RASGRP3: variants seen among roughly 807,000 people sequenced by gnomAD.
The protein encoded by RASGRP3 is RAS guanyl releasing protein 3.
A neutral mutation model predicts 82.7 loss-of-function variants in RASGRP3; 54 were observed. The observed-to-expected ratio is 0.65, with a 90% CI of 0.52 to 0.82. The LOEUF (loss-of-function observed/expected upper bound fraction) is 0.82, where lower values mean the gene tolerates loss of function less well. RASGRP3 is among the 40% of genes least tolerant of loss of function. The pLI, the probability that RASGRP3 is intolerant of heterozygous loss-of-function variation, is 0.00. For missense variants in RASGRP3, 861 were observed against 828.9 expected (o/e 1.04, Z -0.48); for synonymous variants, 309 against 300.5 (o/e 1.03, Z -0.29).
chr2:33,478,287 G>C (rs930045712), intron 1 of RASGRP3, among the ~76,000 whole-genome samples: 2 of 152,206 alleles, frequency 1.3e-5, no homozygotes, highest in Non-Finnish European at 2.9e-5. Context: ...AGGAAAAATA[G>C]TCCCAACTTC....
At chr2:33,479,669 T>C (rs1667717435) in intron 1 of RASGRP3, among the ~76,000 whole-genome samples, 1 of 152,150 alleles carries the variant, frequency 6.6e-6, no homozygotes, top group Non-Finnish European at 1.5e-5. Context: ...TTACCCTGAG[T>C]CCTACTTCTC....
intron 2 of RASGRP3, among the ~76,000 whole-genome samples, chr2:33,454,446 G>C (rs758655011): frequency 6.6e-6 from 1 of 152,176 alleles, no homozygotes; most frequent in African/African-American, 2.4e-5. Flanking sequence ...GGTAGGCATG[G>C]CAGTATTTGG....
chr2:33,541,180 C>T (rs1674254035), intron 12 of RASGRP3, among the ~76,000 whole-genome samples: 1 of 146,844 alleles, frequency 6.8e-6, no homozygotes, highest in South Asian at 2.2e-4. Context: ...TTTTATTCTT[C>T]TCTGATTATA....
chr2:33,501,551 T>G (rs1020284781), intron 1 of RASGRP3, among the ~76,000 whole-genome samples: 1 of 152,218 alleles, frequency 6.6e-6, no homozygotes, highest in African/African-American at 2.4e-5. Flanking sequence ...CTCACCCAAA[T>G]GTTAAGTAAA....
At chr2:33,506,825 C>T (rs189918770) in intron 1 of RASGRP3, among the ~76,000 whole-genome samples, 17 of 152,226 alleles carry the variant, frequency 1.1e-4, no homozygotes, top group South Asian at 4.1e-4. Flanking sequence ...TTTTAGTCTT[C>T]GTGTCATCAG....
At chr2:33,476,244 C>T (rs183239662), upstream of RASGRP3, 2 of 152,320 alleles carry the variant, frequency 1.3e-5, no homozygotes, top group Admixed American at 1.3e-4. Context: ...CAACTTCCAC[C>T]TGCTGTGCGA....
At position 33,546,626 on chromosome 2, in the gene RASGRP3, T is replaced by G. The variant is rs117477098; in HGVS notation, c.1395-2978T>G. ...TATATACCCAGAGGAATAGAAATCA[T>G]TCTACAGTAAAGACACAGGCATATG... is the stretch of plus-strand genomic sequence containing the variant. On this transcript the variant is annotated intron_variant, in intron 13 of 17. Coordinates refer to ENST00000403687, the MANE Select transcript of RASGRP3 (RefSeq NM_001139488.2). 1.1e-4 allele frequency among the ~76,000 whole-genome samples: 16 copies of G among 152,216 alleles called. No individual in the cohort carries two copies. In the East Asian group the frequency reaches 2.7e-3, roughly 26 times the overall value.
intron 1 of RASGRP3, chr2:33,481,311 A>C (rs1262753507): frequency 6.6e-6 from 1 of 152,026 alleles, no homozygotes; most frequent in Non-Finnish European, 1.5e-5. Context: ...ACAGGTGCCC[A>C]CCACCACGCC....
intron 1 of RASGRP3, among the ~76,000 whole-genome samples, chr2:33,445,223 T>A (rs936583194): frequency 6.6e-6 from 1 of 152,104 alleles, no homozygotes; most frequent in African/African-American, 2.4e-5. Context: ...CTGGTGGAAG[T>A]GGATAAAATC....
chr2:33,562,733 G>A lies in RASGRP3; in HGVS notation c.2069G>A (p.Gly690Asp), dbSNP rs1420561504. Residue 690 changes from glycine (G) to aspartate (D), a missense_variant, in exon 18 of 18, where the codon GGC becomes GAC. Physicochemically the swap from Gly to Asp is moderately conservative, Grantham distance 94. Coordinates refer to ENST00000403687, the MANE Select transcript of RASGRP3 (RefSeq NM_001139488.2). ...AGGTTCCAATTTGTGTTTCAGGATG[G>A]CTGACTTCAGGCTGCGGAAACTGAA... ...GEETRQDGED[G>D] 1.2e-6 allele frequency: 2 copies of A among 1,613,456 alleles called. No homozygotes were observed. Among genetic ancestry groups the A allele is most frequent in the African/African-American group, 2.7e-5 (2 of 74,908 alleles).
At chr2:33,483,623 C>T (rs1325627172) in intron 1 of RASGRP3, among the ~76,000 whole-genome samples, 1 of 151,266 alleles carries the variant, frequency 6.6e-6, no homozygotes. Flanking sequence ...TGAGTAGCTG[C>T]GACTATAGGC....
chr2:33,507,074 A>G lies in RASGRP3; in HGVS notation c.-260-4636A>G, dbSNP rs1670445941. On this transcript the variant is annotated intron_variant, in intron 1 of 17. Coordinates refer to ENST00000403687, the MANE Select transcript of RASGRP3 (RefSeq NM_001139488.2). ...GAAAATTTAAACAGAAACAAGACCA[A>G]TGCAGAAATAAACAAATAATTTCAA... Among the ~76,000 whole-genome samples, 7 of 152,316 alleles carry G rather than the reference A, an allele frequency of 4.6e-5. No homozygotes were observed. The South Asian group carries it at 1.4e-3, about 32-fold the overall frequency.
chr2:33,530,497 CTTTTTTTTTTTTTT>C (rs746592952), intron 10 of RASGRP3, among the ~76,000 whole-genome samples: 1 of 117,108 alleles, frequency 8.5e-6, no homozygotes. Flanking sequence ...CTGCCCCTTC[CTTTTTTTTTTTTTT>C]TTTTTTTTTT....
At position 33,537,648 on chromosome 2, in the gene RASGRP3, A is replaced by G. The variant is rs59368545; in HGVS notation, c.1162-1446A>G. Among the ~76,000 whole-genome samples, 7 of 152,320 alleles carry G rather than the reference A, an allele frequency of 4.6e-5. No individual in the cohort carries two copies. The East Asian group carries it at 1.3e-3, about 29-fold the overall frequency. On this transcript the variant is annotated intron_variant, in intron 11 of 17. Coordinates refer to ENST00000403687, the MANE Select transcript of RASGRP3 (RefSeq NM_001139488.2). ...AGTGCTGGGATTACAGGTGTGAGCC[A>G]CTGTACCCAGCCTCTATAAATATAA...
chr2:33,493,769 C>A (rs1321397887), intron 1 of RASGRP3, among the ~76,000 whole-genome samples: 1 of 151,662 alleles, frequency 6.6e-6, no homozygotes, highest in Non-Finnish European at 1.5e-5. Context: ...AAAAAAAAAT[C>A]TTTTGACAAG....
At chr2:33,511,250 C>T (rs1234462332) in intron 1 of RASGRP3, among the ~76,000 whole-genome samples, 2 of 152,160 alleles carry the variant, frequency 1.3e-5, no homozygotes, top group African/African-American at 4.8e-5. Context: ...GTTCTTAAGG[C>T]CCCATTGGGA....
intron 1 of RASGRP3, among the ~76,000 whole-genome samples, chr2:33,489,579 T>A (rs187160822): frequency 7.2e-5 from 11 of 152,314 alleles, no homozygotes; most frequent in Non-Finnish European, 1.5e-4. Flanking sequence ...TTATTTTTTA[T>A]TTTTTTGGCA....
At chr2:33,440,604 T>G (rs2150871485) in intron 1 of RASGRP3, among the ~76,000 whole-genome samples, 1 of 152,336 alleles carries the variant, frequency 6.6e-6, no homozygotes, top group South Asian at 2.1e-4. Context: ...CCTCGTAGAA[T>G]TCTCCATCTT....
At chr2:33,553,800 G>A (rs866204368) in intron 14 of RASGRP3, among the ~76,000 whole-genome samples, 13 of 151,682 alleles carry the variant, frequency 8.6e-5, no homozygotes, top group Admixed American at 5.3e-4. Flanking sequence ...CTGCAGTGGC[G>A]CGATCTTGGC....
Sources: gnomAD v4.1 joint callset for allele counts (sites outside exome capture counted in the v4.1 genomes callset) on GRCh38, gnomAD v4.1.1 for gene constraint, MANE v1.5 for transcripts, NCBI Gene and HGNC (gene_info 2026-07-23, HGNC 2026-07-21) for gene names.